Variants in SREBF1 observed in about 807,000 individuals in gnomAD.
The protein encoded by SREBF1 is sterol regulatory element binding transcription factor 1, also known as sterol regulatory element-binding protein 1.
SREBF1 carries 45 observed loss-of-function variants against 100.1 expected under a neutral mutation model. The ratio of observed to expected loss-of-function variants is 0.45; its 90% CI spans 0.35 to 0.58. The LOEUF is 0.58. Ranked by LOEUF, SREBF1 falls within the 20% of genes least tolerant of loss-of-function variation. The pLI, the probability that SREBF1 is intolerant of heterozygous loss-of-function variation, is 0.00. For synonymous variants in SREBF1, 657 were observed against 681.8 expected (o/e 0.96, Z 0.57); for missense variants, 1,324 against 1,539.4 (o/e 0.86, Z 2.34).
intron 1 of SREBF1, among the ~76,000 whole-genome samples, chr17:17,821,063 T>C (rs992560418): frequency 2.0e-5 from 3 of 152,208 alleles, no homozygotes; most frequent in African/African-American, 7.2e-5. Flanking sequence ...GGGAGTGTCC[T>C]GTAGCTTGAT....
Position 17,812,490 on chromosome 17 carries a change from C to T in SREBF1, c.*132G>A. 1.1e-6 allele frequency: 1 copy of T among 944,252 alleles called. No homozygotes were observed. The highest frequency in any genetic ancestry group is 1.6e-5 in the South Asian group (1 of 62,398). The allele number at this position is 944,252 out of a possible 1,614,324, so 58.5% of individuals were successfully genotyped here. ...GGCCTTCCACCGCGAAGGCACACAG[C>T]AGCCGCAGGTCGAACTGTGGAGGCC... On this transcript the variant is annotated 3_prime_UTR_variant, in exon 19 of 19. Transcript: ENST00000261646.
intron 1 of SREBF1, among the ~76,000 whole-genome samples, chr17:17,825,472 A>G (rs1479603267): frequency 1.3e-5 from 2 of 152,132 alleles, no homozygotes; most frequent in African/African-American, 2.4e-5. Flanking sequence ...GGCAGAGGGC[A>G]CAGACTAAGC....
rs752435218 is a variant in SREBF1, at chr17:17,813,454, C to T, written c.3128G>A (p.Arg1043Gln). ...TGTGGGGCTGGCCCCCGCCATCAGC[C>T]GGGCCGTGGCCTCATGTAGGAACAC... ...RRVFLHEATA[R>Q]LMAGASPTRT... The change falls in exon 18 of 19, where the codon CGG becomes CAG. Residue 1043 changes from arginine to glutamine, a missense_variant. By Grantham distance (43) the Arg-to-Gln change is conservative. Transcript: ENST00000261646. 2 of 1,604,276 alleles carry T rather than the reference C, an allele frequency of 1.2e-6. No homozygotes were observed. The highest frequency in any genetic ancestry group is 1.7e-6 in the Non-Finnish European group (2 of 1,175,984).
Position 17,812,825 on chromosome 17 carries a change from G to C in SREBF1, c.3241C>G (p.Pro1081Ala), listed in dbSNP as rs1018357217. ...GGAVAELEPR[P>A]TRREHAEALL... Reference sequence around the variant, plus strand: ...GCCTCCGCGTGCTCCCGCCGCGTGGGCCGCGGCTCCAGCTCCGCCACCGCG... The same window carrying C: ...GCCTCCGCGTGCTCCCGCCGCGTGGCCCGCGGCTCCAGCTCCGCCACCGCG... The change falls in exon 19 of 19, where the codon CCC becomes GCC. Residue 1081 changes from proline (P) to alanine (A), a missense_variant. Pro to Ala is a conservative substitution (Grantham distance 27). Transcript: ENST00000261646. The C allele has an allele frequency of 6.1e-6, 9 of 1,477,300 alleles. No individual in the cohort carries two copies. The highest frequency in any genetic ancestry group is 1.4e-5 in the African/African-American group (1 of 69,708). 91.5% of individuals were successfully genotyped at this position (1,477,300 alleles called of 1,614,324 possible). A position where few individuals can be genotyped will look rare whatever the true frequency, so the allele number is the denominator to read the frequency against.
intron 1 of SREBF1, chr17:17,820,794 T>G: frequency 2.0e-6 from 1 of 501,744 alleles, no homozygotes; most frequent in Non-Finnish European, 3.7e-6. Flanking sequence ...GCTCACAATC[T>G]TGCCCCACAG....
At position 17,820,420 on chromosome 17, in the gene SREBF1, C is replaced by G. The variant is rs781712986; in HGVS notation, c.193G>C (p.Asp65His). 6.2e-7 allele frequency: 1 copy of G among 1,613,090 alleles called. No homozygotes were observed. The highest frequency in any genetic ancestry group is 8.5e-7 in the Non-Finnish European group (1 of 1,179,304). Residue 65 changes from aspartate to histidine, a missense_variant, in exon 2 of 19, where the codon GAT (aspartate) becomes CAT (histidine). Asp to His is a moderately conservative substitution (Grantham distance 81). Transcript: ENST00000261646. ...GAGGTDPASP[D>H]TSSPGSLSPP... ...GACAAGCTGCCTGGGGAGCTGGTAT[C>G]GGGGCTGGCAGGGTCTGTGCCCCCT...
At position 17,819,623 on chromosome 17, in the gene SREBF1, A is replaced by T. The variant is rs1598123862; in HGVS notation, c.626T>A (p.Val209Asp). The change falls in exon 3 of 19, where the codon GTC becomes GAC. Residue 209 changes from valine (V) to aspartate (D), a missense_variant. Val to Asp is a radical substitution (Grantham distance 152). Coordinates refer to ENST00000261646, the MANE Select transcript of SREBF1 (RefSeq NM_004176.5). ...TGTGACTGTCAGTAGCTGCTGGGGG[A>T]CCACACTCTGGACCTGGGTGTGCAA... is the stretch of plus-strand genomic sequence containing the variant. ...VSLHTQVQSVVPQQLLTVTAA... is the reference protein window; with the variant it reads ...VSLHTQVQSVDPQQLLTVTAA... The T allele has an allele frequency of 6.2e-7, 1 of 1,613,082 alleles. No homozygotes were observed. Among genetic ancestry groups the T allele is most frequent in the African/African-American group, 1.3e-5 (1 of 74,888 alleles).
rs950766901 is a variant in SREBF1 at position 17,812,325 on chromosome 17, G to A, written c.*297C>T. ...GTACCCCTCTCTTCCCTGTACACAG[G>A]AGGAAAAAAGCCACTAAGGTGCCTG... is the stretch of plus-strand genomic sequence containing the variant. On this transcript the variant is annotated 3_prime_UTR_variant, in exon 19 of 19. Transcript: ENST00000261646. 1 of 539,800 alleles carries A rather than the reference G, an allele frequency of 1.9e-6. No individual in the cohort carries two copies. The highest frequency in any genetic ancestry group is 3.3e-6 in the Non-Finnish European group (1 of 302,338). The allele number at this position is 539,800 out of a possible 1,614,324, so 33.4% of individuals were successfully genotyped here.
chr17:17,834,027 C>CAGAG (rs58189290), intron 1 of SREBF1, among the ~76,000 whole-genome samples: 17 of 148,010 alleles, frequency 1.1e-4, no homozygotes, highest in East Asian at 3.9e-4. Context: ...TATAAACACA[C>CAGAG]AGAGAGAGAG....
At chr17:17,813,325 G>T (rs761113013) in intron 18 of SREBF1, 43 bp downstream of exon 18, 1 of 1,538,758 alleles carries the variant, frequency 6.5e-7, no homozygotes, top group Non-Finnish European at 8.8e-7. Flanking sequence ...GCCCTTCCCT[G>T]CTGAGCAGAC....
At chr17:17,818,115 C>A in intron 6 of SREBF1, 145 bp downstream of exon 6, 2 of 750,342 alleles carry the variant, frequency 2.7e-6, no homozygotes, top group South Asian at 3.0e-5. Flanking sequence ...GAGCTGAATG[C>A]AGGGCTACAG....
At chr17:17,833,515 G>A (rs2035037632) in intron 1 of SREBF1, among the ~76,000 whole-genome samples, 1 of 147,344 alleles carries the variant, frequency 6.8e-6, no homozygotes, top group Non-Finnish European at 1.5e-5. Flanking sequence ...GGGGCTGGGA[G>A]CAGGAACAGG....
chr17:17,818,432 G>A (rs956006761), intron 5 of SREBF1, 58 bp from the exon 6 acceptor site: 2 of 1,344,028 alleles, frequency 1.5e-6, no homozygotes, highest in African/African-American at 2.9e-5. Flanking sequence ...CGGGGGTTGT[G>A]GGGTTGGAGA....
Position 17,836,762 on chromosome 17 carries a change from C to A in SREBF1, c.56G>T (p.Cys19Phe). The change falls in exon 1 of 19, where the codon TGC (cysteine) becomes TTC (phenylalanine). Residue 19 changes from cysteine (C) to phenylalanine (F), a missense_variant. Transcript: ENST00000261646. ...GGTCAGCAGCGCCGCGTCCAGATCG[C>A]ACGGCTCGCCCAGCGCCTGCTCCAA... ...AALEQALGEPCDLDAALLTDI... is the reference protein window; with the variant it reads ...AALEQALGEPFDLDAALLTDI... The A allele has an allele frequency of 6.4e-7, 1 of 1,571,874 alleles. No individual in the cohort carries two copies. The highest frequency in any genetic ancestry group is 8.6e-7 in the Non-Finnish European group (1 of 1,166,842).
At position 17,814,732 on chromosome 17, in the gene SREBF1, G is replaced by A; in HGVS notation, c.2618C>T (p.Ala873Val). Residue 873 changes from alanine to valine, a missense_variant, in exon 15 of 19, where the codon GCC (alanine) becomes GTC (valine). Ala to Val is a moderately conservative substitution (Grantham distance 64, BLOSUM62 0). Transcript: ENST00000261646. ...AGCTGTCAGAGAGGCCCACCACTTGGCCACCGGGTCTACGCCTGCAGAAGA... is the reference window on the plus strand; with the variant it reads ...AGCTGTCAGAGAGGCCCACCACTTGACCACCGGGTCTACGCCTGCAGAAGA... ...MATTTGVDPV[A>V]KWWASLTAVV... 1 of 1,610,368 alleles carries A rather than the reference G, an allele frequency of 6.2e-7. No homozygotes were observed.
chr17:17,827,236 G>A (rs1292465627), intron 1 of SREBF1, among the ~76,000 whole-genome samples: 1 of 152,202 alleles, frequency 6.6e-6, no homozygotes, highest in Non-Finnish European at 1.5e-5. Flanking sequence ...TGTCATCTGA[G>A]CCAAGGACCC....
chr17:17,827,809 GC>G (rs946315660), intron 1 of SREBF1, among the ~76,000 whole-genome samples: 10 of 152,348 alleles, frequency 6.6e-5, no homozygotes, highest in African/African-American at 1.9e-4. Flanking sequence ...ACAGCAGTGA[GC>G]CCCAACTCCG....
Position 17,812,768 on chromosome 17 carries a change from C to A in SREBF1, c.3298G>T (p.Gly1100Cys). Residue 1100 changes from glycine (G) to cysteine (C), a missense_variant, in exon 19 of 19, where the codon GGC becomes TGC. Physicochemically the swap from Gly to Cys is radical, Grantham distance 159. Transcript: ENST00000261646. ...CGCTGCCCGGGCGCCGACAGGAAGC[C>A]GGGGGGCAGGTAGCAGGAGGCCAGC... The part of the protein sequence containing the change: ...LLLASCYLPP[G>C]FLSAPGQRVG... 6.5e-7 allele frequency: 1 copy of A among 1,534,480 alleles called. No homozygotes were observed. The highest frequency in any genetic ancestry group is 8.8e-7 in the Non-Finnish European group (1 of 1,140,432).
At chr17:17,831,708 C>T (rs1348003298) in intron 1 of SREBF1, among the ~76,000 whole-genome samples, 2 of 152,178 alleles carry the variant, frequency 1.3e-5, no homozygotes, top group African/African-American at 4.8e-5. Flanking sequence ...GATCCATCCT[C>T]CCCCGACAGC....
Sources: allele counts gnomAD v4.1 joint callset (sites outside exome capture counted in the v4.1 genomes callset), GRCh38; gene constraint gnomAD v4.1.1; transcripts MANE v1.5; gene names NCBI Gene and HGNC (gene_info 2026-07-23, HGNC 2026-07-21).